RBM28: variants seen among roughly 807,000 people sequenced by gnomAD.
RBM28 encodes RNA-binding protein 28.
In RBM28, 78 loss-of-function variants were observed where a neutral mutation model predicts 98.3. That is an observed-to-expected ratio of 0.79 (90% CI 0.66 to 0.96). The LOEUF is 0.96. Ranked by LOEUF, RBM28 falls within the 40% of genes least tolerant of loss-of-function variation. The pLI is 0.00. For missense variants in RBM28, 838 were observed against 913.0 expected, an observed-to-expected ratio of 0.92 and a Z score of 1.06; for synonymous variants, 306 against 330.9, an observed-to-expected ratio of 0.92 and a Z score of 0.82.
intron 6 of RBM28, among the ~76,000 whole-genome samples, 192 bp downstream of exon 6, chr7:128,336,939 G>A (rs1796613502): frequency 6.6e-6 from 1 of 152,058 alleles, no homozygotes; most frequent in Admixed American, 6.6e-5. Context: ...AGTAGAGATG[G>A]GGTTTTGCAT....
chr7:128,298,422 T>C lies in RBM28; in HGVS notation c.*12375A>G, dbSNP rs1271901205. On this transcript the variant is annotated 3_prime_UTR_variant, in exon 19 of 19. Coordinates refer to ENST00000223073, the MANE Select transcript of RBM28 (RefSeq NM_018077.3). ...CCTCTCTTTGTACTATTTCTCTTTATTTCTCAGTCGGCCGACACTTATGGA... is the reference window on the plus strand; with the variant it reads ...CCTCTCTTTGTACTATTTCTCTTTACTTCTCAGTCGGCCGACACTTATGGA... 2 of 152,188 alleles carry C rather than the reference T, an allele frequency of 1.3e-5. No individual in the cohort carries two copies. Among genetic ancestry groups the C allele is most frequent in the Non-Finnish European group, 2.9e-5 (2 of 68,048 alleles). The allele number at this position is 152,188 out of a possible 1,614,324, so 9.4% of individuals were successfully genotyped here.
chr7:128,312,836 T>C (rs970733639), intron 18 of RBM28, among the ~76,000 whole-genome samples: 3 of 152,202 alleles, frequency 2.0e-5, no homozygotes, highest in Non-Finnish European at 4.4e-5. Flanking sequence ...CAGTTAGAGA[T>C]GCACTCTGAG....
Position 128,298,273 on chromosome 7 carries a change from C to G in RBM28, c.*12524G>C, listed in dbSNP as rs1159361731. 6.6e-6 allele frequency: 1 copy of G among 152,162 alleles called. No individual in the cohort carries two copies. Among genetic ancestry groups the G allele is most frequent in the Non-Finnish European group, 1.5e-5 (1 of 68,028 alleles). The allele number at this position is 152,162 out of a possible 1,614,324, so 9.4% of individuals were successfully genotyped here. A position where few individuals can be genotyped will look rare whatever the true frequency, so the allele number is the denominator to read the frequency against. On this transcript the variant is annotated 3_prime_UTR_variant, in exon 19 of 19. Coordinates refer to ENST00000223073, the MANE Select transcript of RBM28 (RefSeq NM_018077.3). The stretch of plus-strand genomic sequence containing the variant: ...GAAGCATGTGATCTTTGTACCTACT[C>G]CCTGTTTTACACCCCCTCCCCTTTT...
chr7:128,313,446 T>C (rs1796032218), intron 17 of RBM28, among the ~76,000 whole-genome samples, 172 bp from the exon 18 acceptor site: 1 of 152,146 alleles, frequency 6.6e-6, no homozygotes, highest in African/African-American at 2.4e-5. Context: ...GACTGCTTGA[T>C]GCCAGGAGTT....
chr7:128,322,051 A>AG (rs1200854337), intron 13 of RBM28, among the ~76,000 whole-genome samples: 1 of 146,182 alleles, frequency 6.8e-6, no homozygotes, highest in Non-Finnish European at 1.6e-5. Flanking sequence ...TCGGTCAAAA[A>AG]AAAAAAAAAA....
At chr7:128,329,708 GC>G (rs1250564636) in intron 10 of RBM28, among the ~76,000 whole-genome samples, 2 of 152,012 alleles carry the variant, frequency 1.3e-5, no homozygotes, top group African/African-American at 2.4e-5. Flanking sequence ...ACACGGTGAA[GC>G]CCCAACTCTA....
chr7:128,312,722 TTTTAATA>T (rs1796012925), intron 18 of RBM28, among the ~76,000 whole-genome samples: 1 of 152,172 alleles, frequency 6.6e-6, no homozygotes, highest in Non-Finnish European at 1.5e-5. Flanking sequence ...ATTTGGCAAA[TTTTAATA>T]TGGATTTAAT....
In RBM28 at chr7:128,343,752, C is replaced by G. The variant is rs1455142846; in HGVS notation, c.42G>C (p.Ser14=). The G allele has an allele frequency of 6.2e-7, 1 of 1,610,118 alleles. No homozygotes were observed. The highest frequency in any genetic ancestry group is 8.5e-7 in the Non-Finnish European group (1 of 1,178,052). The change falls in exon 1 of 19, where the codon TCG becomes TCC. Residue 14 remains serine, a synonymous_variant. Transcript: ENST00000223073. ...GTTCCTCCAGCTGCTCACTGCGGGC[C>G]GAGGGCGGGAGGCGGCCCACAAATA... ...LTLFVGRLPP[S]ARSEQLEELF...
intron 11 of RBM28, 85 bp from the exon 12 acceptor site, chr7:128,324,779 T>C: frequency 2.5e-6 from 4 of 1,577,998 alleles, no homozygotes; most frequent in Admixed American, 3.3e-5. Flanking sequence ...TTTGGGAGGC[T>C]GAGGCAGGTG....
intron 1 of RBM28, chr7:128,341,138 A>G (rs1470416691): frequency 7.8e-7 from 1 of 1,287,834 alleles, no homozygotes; most frequent in East Asian, 5.5e-5. Context: ...CACATAGTTC[A>G]TATGCTCTGC....
At chr7:128,337,029 C>T in intron 6 of RBM28, 102 bp downstream of exon 6, 1 of 1,306,564 alleles carries the variant, frequency 7.7e-7, no homozygotes, top group Non-Finnish European at 1.1e-6. Context: ...GCCACTGCAC[C>T]CAGCCTTTTT....
Position 128,304,623 on chromosome 7 carries a change from G to A in RBM28, c.*6174C>T, listed in dbSNP as rs547329954. On this transcript the variant is annotated 3_prime_UTR_variant, in exon 19 of 19. Coordinates refer to ENST00000223073, the MANE Select transcript of RBM28 (RefSeq NM_018077.3). ...GGTTTGGTGAGGGAGGCTGCTTTCA[G>A]ATTTCAAGTGGACACTGCTGGCCTG... 1.3e-5 allele frequency: 2 copies of A among 152,510 alleles called. No homozygotes were observed. The highest frequency in any genetic ancestry group is 4.1e-4 in the South Asian group (2 of 4,830). The allele number at this position is 152,510 out of a possible 1,614,324, so 9.4% of individuals were successfully genotyped here.
intron 3 of RBM28, among the ~76,000 whole-genome samples, 188 bp from the exon 4 acceptor site, chr7:128,338,989 C>A (rs1181957728): frequency 6.6e-6 from 1 of 152,198 alleles, no homozygotes; most frequent in African/African-American, 2.4e-5. Context: ...AAAACACAGA[C>A]GTCTGAGAAC....
chr7:128,334,336 T>C (rs76711729), intron 8 of RBM28, among the ~76,000 whole-genome samples: 2 of 152,222 alleles, frequency 1.3e-5, no homozygotes, highest in East Asian at 3.8e-4. Context: ...ATCATTATCA[T>C]TTATCTGTCC....
chr7:128,318,157 C>G (rs759223028), intron 14 of RBM28, 51 bp from the exon 15 acceptor site: 82 of 1,534,792 alleles, frequency 5.3e-5, no homozygotes, highest in Non-Finnish European at 7.2e-5. Context: ...AGAAGACTTG[C>G]CTGACATGAA....
chr7:128,335,568 G>C lies in RBM28; in HGVS notation c.921C>G (p.Thr307=), dbSNP rs1457728362. ...DDGEELAQSD[T]STEEQEDKAV... ...CTTTATCCTCTTGCTCCTCAGTGCT[G>C]GTATCACTCTGAGCCAGTTCCTCTC... Residue 307 remains threonine (T), a synonymous_variant, in exon 8 of 19, where the codon ACC becomes ACG. Transcript: ENST00000223073. 12 of 1,614,134 alleles carry C rather than the reference G, an allele frequency of 7.4e-6. No individual in the cohort carries two copies. Among genetic ancestry groups the C allele is most frequent in the Non-Finnish European group, 1.0e-5 (12 of 1,180,014 alleles).
chr7:128,316,656 T>C (rs1029726338), intron 16 of RBM28, among the ~76,000 whole-genome samples: 5 of 152,198 alleles, frequency 3.3e-5, no homozygotes, highest in Non-Finnish European at 5.9e-5. Context: ...GAGGTTGCAG[T>C]GAACTGAGAT....
chr7:128,311,538 C>G (rs1795985532), intron 18 of RBM28, among the ~76,000 whole-genome samples: 1 of 152,134 alleles, frequency 6.6e-6, no homozygotes, highest in African/African-American at 2.4e-5. Flanking sequence ...TGAGCTGAGC[C>G]TGGGACATCC....
At chr7:128,336,853 A>G (rs1005626810) in intron 6 of RBM28, among the ~76,000 whole-genome samples, 2 of 152,074 alleles carry the variant, frequency 1.3e-5, no homozygotes, top group South Asian at 2.1e-4. Flanking sequence ...TCCCAGGTTC[A>G]AGAACCTGCC....
Sources: allele counts gnomAD v4.1 joint callset (sites outside exome capture counted in the v4.1 genomes callset), GRCh38; gene constraint gnomAD v4.1.1; transcripts MANE v1.5; gene names NCBI Gene and HGNC (gene_info 2026-07-23, HGNC 2026-07-21).